PUS7: variants seen among roughly 807,000 people sequenced by gnomAD.
The protein encoded by PUS7 is pseudouridylate synthase 7 homolog.
A neutral mutation model predicts 79.8 loss-of-function variants in PUS7; 48 were observed. That is an observed-to-expected ratio of 0.60 (90% CI 0.48 to 0.76). The LOEUF is 0.76. Ranked by LOEUF, PUS7 falls within the 30% of genes least tolerant of loss-of-function variation. The pLI is 0.00. For missense variants in PUS7, 729 were observed against 797.6 expected, an observed-to-expected ratio of 0.91 and a Z score of 1.04; for synonymous variants, 286 against 272.2, an observed-to-expected ratio of 1.05 and a Z score of -0.50.
intron 5 of PUS7, among the ~76,000 whole-genome samples, chr7:105,496,133 G>C (rs922819528): frequency 5.3e-5 from 8 of 149,658 alleles, no homozygotes; most frequent in Admixed American, 1.3e-4. Context: ...ATTCCAGCCT[G>C]GGCAACAAGA....
intron 14 of PUS7, among the ~76,000 whole-genome samples, chr7:105,460,883 T>G (rs1165957315): frequency 6.6e-6 from 1 of 151,264 alleles, no homozygotes; most frequent in East Asian, 1.9e-4. Context: ...AAAATTTGTT[T>G]TTGAGACAGG....
chr7:105,504,583 A>G (rs894678416), intron 4 of PUS7, among the ~76,000 whole-genome samples: 1 of 152,224 alleles, frequency 6.6e-6, no homozygotes, highest in Admixed American at 6.5e-5. Flanking sequence ...GCTTGCCCAT[A>G]GTTTATGCCT....
intron 9 of PUS7, among the ~76,000 whole-genome samples, chr7:105,476,817 T>C (rs138974975): frequency 1.3e-5 from 2 of 152,342 alleles, no homozygotes; most frequent in East Asian, 1.9e-4. Context: ...TATGAAGTGG[T>C]ACCTCGTGGT....
At chr7:105,514,994 CTG>C (rs1424371815) in intron 1 of PUS7, among the ~76,000 whole-genome samples, 1 of 152,144 alleles carries the variant, frequency 6.6e-6, no homozygotes, top group Non-Finnish European at 1.5e-5. Context: ...CTGGGTTACA[CTG>C]TGTCAGCCAG....
chr7:105,515,105 A>C (rs1825846282), intron 1 of PUS7, among the ~76,000 whole-genome samples: 1 of 151,940 alleles, frequency 6.6e-6, no homozygotes. Flanking sequence ...ACAATGACTA[A>C]AAATTCTTAA....
intron 7 of PUS7, 108 bp from the exon 8 acceptor site, chr7:105,482,548 A>G: frequency 1.7e-6 from 2 of 1,193,566 alleles, no homozygotes; most frequent in Non-Finnish European, 2.3e-6. Context: ...CAGCACACCT[A>G]TGACCCCCTG....
intron 4 of PUS7, among the ~76,000 whole-genome samples, chr7:105,504,844 C>A (rs550973942): frequency 1.3e-5 from 2 of 151,972 alleles, no homozygotes; most frequent in African/African-American, 4.8e-5. Flanking sequence ...CAATACCACA[C>A]GCTTTTGGGA....
At chr7:105,463,644 TC>T (rs531159930) in intron 13 of PUS7, among the ~76,000 whole-genome samples, 2 of 22,462 alleles carry the variant, frequency 8.9e-5, no homozygotes, top group African/African-American at 2.7e-4. Flanking sequence ...CTTCTGCAGT[TC>T]TTTTTTTTTT....
At chr7:105,508,989 G>C (rs1825593140) in intron 1 of PUS7, among the ~76,000 whole-genome samples, 1 of 149,338 alleles carries the variant, frequency 6.7e-6, no homozygotes, top group South Asian at 2.1e-4. Flanking sequence ...GATCAGCCTG[G>C]CCAACATGGT....
chr7:105,491,092 T>C lies in PUS7; in HGVS notation c.920+448A>G, dbSNP rs1211571449. Among the ~76,000 whole-genome samples the C allele has an allele frequency of 3.3e-5, 5 of 152,246 alleles. No individual in the cohort carries two copies. The East Asian group carries it at 9.6e-4, about 29-fold the overall frequency. On this transcript the variant is annotated intron_variant, in intron 7 of 15. Coordinates refer to ENST00000469408, the MANE Select transcript of PUS7 (RefSeq NM_019042.5). ...CCTCCACATCAACTCCCATGCTTGT[T>C]GACAGGCATACATTAACATCCAAAG...
intron 12 of PUS7, among the ~76,000 whole-genome samples, 176 bp downstream of exon 12, chr7:105,468,161 G>A (rs1374816364): frequency 6.6e-6 from 1 of 152,116 alleles, no homozygotes; most frequent in Non-Finnish European, 1.5e-5. Context: ...TTGACCTCCT[G>A]ACCTCAGGTG....
At chr7:105,514,796 A>C (rs818474) in intron 1 of PUS7, among the ~76,000 whole-genome samples, 1 of 145,656 alleles carries the variant, frequency 6.9e-6, no homozygotes, top group African/African-American at 2.5e-5. Flanking sequence ...ATTCTCTCTC[A>C]TTTTTTTTTT....
chr7:105,473,408 C>G (rs976328431), intron 9 of PUS7, among the ~76,000 whole-genome samples: 1 of 149,570 alleles, frequency 6.7e-6, no homozygotes, highest in East Asian at 1.9e-4. Flanking sequence ...GTCAGCATGC[C>G]TGCCTAATTT....
intron 1 of PUS7, among the ~76,000 whole-genome samples, chr7:105,508,983 A>G (rs1474315448): frequency 6.7e-6 from 1 of 149,910 alleles, no homozygotes; most frequent in Non-Finnish European, 1.5e-5. Flanking sequence ...GTTCGAGATC[A>G]GCCTGGCCAA....
At chr7:105,485,816 T>C (rs1198591880) in intron 7 of PUS7, among the ~76,000 whole-genome samples, 1 of 152,174 alleles carries the variant, frequency 6.6e-6, no homozygotes, top group Non-Finnish European at 1.5e-5. Context: ...TTTTTTGTTT[T>C]TGAGACAGAG....
intron 7 of PUS7, 42 bp from the exon 8 acceptor site, chr7:105,482,482 G>C (rs777036458): frequency 1.3e-6 from 2 of 1,541,198 alleles, no homozygotes; most frequent in Non-Finnish European, 8.8e-7. Context: ...AAAAAGAGTA[G>C]AAAGAGGATC....
chr7:105,501,160 T>G (rs969989525), intron 5 of PUS7, among the ~76,000 whole-genome samples: 4 of 152,214 alleles, frequency 2.6e-5, no homozygotes, highest in African/African-American at 2.4e-5. Context: ...AACATGGTTA[T>G]AAGCAATTAA....
intron 7 of PUS7, among the ~76,000 whole-genome samples, chr7:105,484,510 TAA>T (rs35983237): frequency 0.038 from 5,496 of 143,320 alleles, 206 homozygotes; most frequent in African/African-American, 0.1. Flanking sequence ...CTTTTTTTCT[TAA>T]AAAAAAAAAA....
At chr7:105,514,880 C>T (rs1586184915) in intron 1 of PUS7, among the ~76,000 whole-genome samples, 1 of 151,850 alleles carries the variant, frequency 6.6e-6, no homozygotes, top group African/African-American at 2.4e-5. Flanking sequence ...CAAGCTCCGC[C>T]TCCTGGGCTC....
Sources: allele counts gnomAD v4.1 joint callset (sites outside exome capture counted in the v4.1 genomes callset), GRCh38; gene constraint gnomAD v4.1.1; transcripts MANE v1.5; gene names NCBI Gene and HGNC (gene_info 2026-07-23, HGNC 2026-07-21).